The following RABGAP1L variants were observed in gnomAD, a reference collection of about 807,000 sequenced individuals.
RABGAP1L encodes rab GTPase-activating protein 1-like.
A neutral mutation model predicts 137.7 loss-of-function variants in RABGAP1L; 63 were observed. The observed-to-expected ratio is 0.46, with a 90% confidence interval of 0.37 to 0.56. The LOEUF (loss-of-function observed/expected upper bound fraction) is 0.56. Ranked by LOEUF, RABGAP1L falls within the 20% of genes least tolerant of loss-of-function variation. RABGAP1L has a pLI of 0.00. For synonymous variants in RABGAP1L, 431 were observed against 433.7 expected (o/e 0.99, Z 0.08); for missense variants, 1,095 against 1,244.0 (o/e 0.88, Z 1.80).
chr1:174,483,943 ATATGGTAGCTCTATTTT>A (rs1659383966), intron 13 of RABGAP1L, among the ~76,000 whole-genome samples: 2 of 152,322 alleles, frequency 1.3e-5, no homozygotes, highest in East Asian at 3.9e-4. Flanking sequence ...TTGCTGGATC[ATATGGTAGCTCTATTTT>A]TAGTTTTTTG....
chr1:174,309,396 T>C (rs2148789462), intron 11 of RABGAP1L, among the ~76,000 whole-genome samples: 1 of 152,200 alleles, frequency 6.6e-6, no homozygotes, highest in Non-Finnish European at 1.5e-5. Context: ...CTATTTTGAA[T>C]AGAAGTGGCA....
intron 21 of RABGAP1L, among the ~76,000 whole-genome samples, chr1:174,972,671 G>A (rs555602702): frequency 1.7e-4 from 26 of 152,104 alleles, no homozygotes; most frequent in Admixed American, 9.8e-4. Flanking sequence ...TGGGGAACAC[G>A]GTGAAACCGA....
chr1:174,533,647 A>C (rs1252746644), intron 13 of RABGAP1L, among the ~76,000 whole-genome samples: 3 of 152,118 alleles, frequency 2.0e-5, no homozygotes, highest in Non-Finnish European at 4.4e-5. Context: ...TAATACATAT[A>C]ACATACGAAA....
intron 19 of RABGAP1L, among the ~76,000 whole-genome samples, chr1:174,861,229 G>A (rs940663565): frequency 1.3e-5 from 2 of 152,066 alleles, no homozygotes; most frequent in Non-Finnish European, 2.9e-5. Flanking sequence ...TTAGCATAAT[G>A]TCTTCCAGCT....
intron 11 of RABGAP1L, among the ~76,000 whole-genome samples, chr1:174,332,751 G>A (rs1287131583): frequency 6.6e-6 from 1 of 152,038 alleles, no homozygotes; most frequent in Non-Finnish European, 1.5e-5. Context: ...TACAGCTGTT[G>A]TGGAAAACAG....
chr1:174,989,607 A>G (rs1671905413), intron 25 of RABGAP1L, among the ~76,000 whole-genome samples: 2 of 152,206 alleles, frequency 1.3e-5, no homozygotes, highest in South Asian at 4.1e-4. Context: ...TGCAGGGAAA[A>G]AAAGAATAAA....
chr1:174,864,327 C>T lies in RABGAP1L; in HGVS notation c.2340+52367C>T, dbSNP rs568783738. Among the ~76,000 whole-genome samples the T allele has an allele frequency of 5.7e-4, 86 of 152,202 alleles. 1 individual carries two copies. Among genetic ancestry groups the T allele is most frequent in the Non-Finnish European group, 8.8e-4 (60 of 68,034 alleles). ...TAAAGCTGTATTATTATCCAAATCT[C>T]AGACCTATTTTCTTCACTCTTATAT... On this transcript the variant is annotated intron_variant, in intron 19 of 25. Transcript: ENST00000681986.
intron 12 of RABGAP1L, among the ~76,000 whole-genome samples, chr1:174,376,369 G>T (rs1685548951): frequency 6.6e-6 from 1 of 151,944 alleles, no homozygotes; most frequent in Non-Finnish European, 1.5e-5. Context: ...ATCAAAACCG[G>T]ATGAAAATAT....
Position 174,397,423 on chromosome 1 carries a change from C to G in RABGAP1L, c.1710+3278C>G, listed in dbSNP as rs1648003766. ...GCCTTCACTCTGGGGTTACTGTTTC[C>G]TGTGGTTTCCTATCCTGAGTGGCCA... On this transcript the variant is annotated intron_variant, in intron 13 of 25. Transcript: ENST00000681986. Among the ~76,000 whole-genome samples the G allele has an allele frequency of 2.6e-5, 4 of 152,092 alleles. No homozygotes were observed. The South Asian group carries it at 8.3e-4, about 32-fold the overall frequency.
At chr1:174,449,185 T>C (rs577422076) in intron 13 of RABGAP1L, 16 of 1,596,140 alleles carry the variant, frequency 1.0e-5, no homozygotes, top group Non-Finnish European at 1.4e-5. Context: ...GGGCTAATTC[T>C]TGCTCCATTT....
intron 19 of RABGAP1L, among the ~76,000 whole-genome samples, chr1:174,897,625 C>A (rs1657423329): frequency 6.6e-6 from 1 of 152,146 alleles, no homozygotes; most frequent in Non-Finnish European, 1.5e-5. Flanking sequence ...TTCAGTCTTA[C>A]TCTGCTTTTA....
chr1:174,315,273 G>A (rs1321579913), intron 11 of RABGAP1L, among the ~76,000 whole-genome samples: 5 of 152,080 alleles, frequency 3.3e-5, no homozygotes, highest in Non-Finnish European at 5.9e-5. Context: ...CTGTCTTGAA[G>A]TCTATTTTTC....
At chr1:174,430,109 G>A (rs12074416) in intron 13 of RABGAP1L, among the ~76,000 whole-genome samples, 53,610 of 152,068 alleles carry the variant, frequency 0.35, 12,109 homozygotes, top group African/African-American at 0.64. Context: ...ACAGGGCTGC[G>A]TGCAGTGGCT....
At chr1:174,404,045 G>A (rs1371847333) in intron 13 of RABGAP1L, among the ~76,000 whole-genome samples, 5 of 151,934 alleles carry the variant, frequency 3.3e-5, no homozygotes, top group African/African-American at 1.2e-4. Flanking sequence ...AACTTTTATG[G>A]GCTAGGCTCT....
At chr1:174,910,401 A>C (rs1380421005) in intron 19 of RABGAP1L, among the ~76,000 whole-genome samples, 2 of 152,192 alleles carry the variant, frequency 1.3e-5, no homozygotes, top group African/African-American at 4.8e-5. Flanking sequence ...ATAATAATGG[A>C]ATTATTATAC....
At chr1:174,471,368 A>G (rs1164413360) in intron 13 of RABGAP1L, among the ~76,000 whole-genome samples, 1 of 152,208 alleles carries the variant, frequency 6.6e-6, no homozygotes, top group Non-Finnish European at 1.5e-5. Context: ...AGGGAAAGTA[A>G]AACTGTTCAA....
chr1:174,922,326 T>G, intron 19 of RABGAP1L: 1 of 192,710 alleles, frequency 5.2e-6, no homozygotes, highest in Non-Finnish European at 1.1e-5. Context: ...AATGATGAAC[T>G]TCTTAAAATG....
intron 13 of RABGAP1L, among the ~76,000 whole-genome samples, chr1:174,433,479 T>C (rs1652877941): frequency 6.6e-6 from 1 of 152,222 alleles, no homozygotes. Flanking sequence ...TTCTTTATGA[T>C]CGAGAAACAT....
At chr1:174,679,284 A>G (rs944653861) in intron 14 of RABGAP1L, among the ~76,000 whole-genome samples, 1 of 152,176 alleles carries the variant, frequency 6.6e-6, no homozygotes, top group African/African-American at 2.4e-5. Context: ...CTTCCCAGCT[A>G]GGCTTAGGGA....
Sources: gnomAD v4.1 joint callset for allele counts (sites outside exome capture counted in the v4.1 genomes callset) on GRCh38, gnomAD v4.1.1 for gene constraint, MANE v1.5 for transcripts, NCBI Gene and HGNC (gene_info 2026-07-23, HGNC 2026-07-21) for gene names.